The following OR10H5 variants were observed in gnomAD, a reference collection of about 807,000 sequenced individuals.
OR10H5 encodes the protein olfactory receptor 10H5.
In OR10H5, 7 loss-of-function variants were observed where a neutral mutation model predicts 12.2. The ratio of observed to expected loss-of-function variants is 0.57; its 90% CI spans 0.33 to 1.07. The LOEUF is 1.07. Among genes scored for constraint, OR10H5 ranks in the 50% least tolerant of loss-of-function variants. The pLI is 0.04. For synonymous variants in OR10H5, 159 were observed against 175.1 expected (o/e 0.91, Z 0.73); for missense variants, 346 against 411.6 (o/e 0.84, Z 1.38).
chr19:15,795,377 G>A lies in OR10H5; in HGVS notation c.*381G>A, dbSNP rs1020458266. ...GTCTCGTTCTGTCACCCAGGTTGGA[G>A]TGCGTTGGCACAATCTCGGCTCACT... On this transcript the variant is annotated 3_prime_UTR_variant, in exon 2 of 2. Transcript: ENST00000642092. 1 of 207,344 alleles carries A rather than the reference G, an allele frequency of 4.8e-6. No homozygotes were observed. The highest frequency in any genetic ancestry group is 9.7e-6 in the Non-Finnish European group (1 of 102,848). The allele number at this position is 207,344 out of a possible 1,614,324, so 12.8% of individuals were successfully genotyped here. A position where few individuals can be genotyped will look rare whatever the true frequency, so the allele number is the denominator to read the frequency against.
In OR10H5 at chr19:15,794,659, G is replaced by T. The variant is rs771103975; in HGVS notation, c.611G>T (p.Cys204Phe). 2 of 1,614,174 alleles carry T rather than the reference G, an allele frequency of 1.2e-6. No individual in the cohort carries two copies. The highest frequency in any genetic ancestry group is 1.7e-6 in the Non-Finnish European group (2 of 1,180,016). ...GTGGCCAAAGGCGTGGGCTTGGTGT[G>T]TATCACGGCCCTGCTGGGCTGTTTT... ...LVVAKGVGLV[C>F]ITALLGCFLL... The change falls in exon 2 of 2, where the codon TGT becomes TTT. Residue 204 changes from cysteine (C) to phenylalanine (F), a missense_variant. Coordinates refer to ENST00000642092, the MANE Select transcript of OR10H5 (RefSeq NM_001004466.2).
rs1320900566 is a variant in OR10H5, at chr19:15,797,539, A to T, written c.*2543A>T. 1 of 152,142 alleles carries T rather than the reference A, an allele frequency of 6.6e-6. No individual in the cohort carries two copies. The highest frequency in any genetic ancestry group is 1.5e-5 in the Non-Finnish European group (1 of 68,038). 9.4% of individuals were successfully genotyped at this position (152,142 alleles called of 1,614,324 possible). On this transcript the variant is annotated 3_prime_UTR_variant, in exon 2 of 2. Transcript: ENST00000642092. ...TTCTGAAATTAAAATAAGCTTTGTG[A>T]TTACTCCTTCACTTTATTTAGTAGT...
At position 15,797,337 on chromosome 19, in the gene OR10H5, G is replaced by A. The variant is rs994033762; in HGVS notation, c.*2341G>A. On this transcript the variant is annotated 3_prime_UTR_variant, in exon 2 of 2. Transcript: ENST00000642092. ...TAGCTAGTGCTTTCTAGCTGATCAT[G>A]ATTCTGAAGATACCTTGGAATAGGC... 1 of 152,124 alleles carries A rather than the reference G, an allele frequency of 6.6e-6. No individual in the cohort carries two copies. Among genetic ancestry groups the A allele is most frequent in the East Asian group, 1.9e-4 (1 of 5,188 alleles). The allele number at this position is 152,124 out of a possible 1,614,324, so 9.4% of individuals were successfully genotyped here. A position where few individuals can be genotyped will look rare whatever the true frequency, so the allele number is the denominator to read the frequency against.
In OR10H5 at chr19:15,793,607, G is replaced by A. The variant is rs188092430; in HGVS notation, c.-11-431G>A. Among the ~76,000 whole-genome samples the A allele has an allele frequency of 7.0e-4, 106 of 152,152 alleles. 1 individual carries two copies. Among genetic ancestry groups the A allele is most frequent in the Admixed American group, 2.8e-3 (42 of 15,258 alleles). On this transcript the variant is annotated intron_variant, in intron 1 of 1. Transcript: ENST00000642092. ...ATTATTAACATATTTTTGGCCAGGC[G>A]TGGTGGCTCAAGACTGTAATCCCAA...
At chr19:15,792,284 G>A (rs1316461149) in intron 1 of OR10H5, among the ~76,000 whole-genome samples, 1 of 151,900 alleles carries the variant, frequency 6.6e-6, no homozygotes, top group Non-Finnish European at 1.5e-5. Flanking sequence ...GCAATATCAC[G>A]TAACTCAACC....
rs1290184832 is a variant in OR10H5, at chr19:15,794,336, C to T, written c.288C>T (p.Ala96=). The change falls in exon 2 of 2, where the codon GCC becomes GCT. Residue 96 remains alanine (A), a synonymous_variant. Transcript: ENST00000642092. ...CCCAGCGCTCCATCGCCTTCCTGGC[C>T]TGTGCCAGTCAGATGTTCTTCTCCT... is the stretch of plus-strand genomic sequence containing the variant. ...LSTQRSIAFL[A]CASQMFFSFS... 20 of 1,614,026 alleles carry T rather than the reference C, an allele frequency of 1.2e-5. No homozygotes were observed. The highest frequency in any genetic ancestry group is 2.7e-5 in the African/African-American group (2 of 74,924).
chr19:15,790,757 C>T (rs2088806124), intron 1 of OR10H5, among the ~76,000 whole-genome samples: 1 of 152,146 alleles, frequency 6.6e-6, no homozygotes. Flanking sequence ...TGCTACTTTT[C>T]TGTGTGGAAT....
intron 1 of OR10H5, among the ~76,000 whole-genome samples, chr19:15,788,163 G>A (rs138643377): frequency 1.3e-5 from 2 of 152,124 alleles, no homozygotes; most frequent in African/African-American, 4.8e-5. Flanking sequence ...AGTTGTGTGC[G>A]CTTGTATGAG....
rs1283394119 is a variant in OR10H5 at position 15,799,275 on chromosome 19, A to G, written c.*4279A>G. ...CCCGGACCCCAGGAACCTTGCATCT[A>G]CTCTTTTTTTTTTCTTCAGAGATTG... On this transcript the variant is annotated 3_prime_UTR_variant, in exon 2 of 2. Transcript: ENST00000642092. 6 of 145,628 alleles carry G rather than the reference A, an allele frequency of 4.1e-5. No homozygotes were observed. Among genetic ancestry groups the G allele is most frequent in the Non-Finnish European group, 3.0e-5 (2 of 66,594 alleles). The allele number at this position is 145,628 out of a possible 1,614,324, so 9.0% of individuals were successfully genotyped here.
At chr19:15,791,412 A>G (rs1241810657) in intron 1 of OR10H5, among the ~76,000 whole-genome samples, 2 of 148,882 alleles carry the variant, frequency 1.3e-5, no homozygotes, top group African/African-American at 5.0e-5. Context: ...CAGTTAATCA[A>G]AGATATCTAT....
At chr19:15,788,529 C>T (rs544244391) in intron 1 of OR10H5, among the ~76,000 whole-genome samples, 26 of 152,164 alleles carry the variant, frequency 1.7e-4, no homozygotes, top group Admixed American at 7.2e-4. Flanking sequence ...GACAGGGTCT[C>T]GCTCTGTCAC....
At position 15,794,206 on chromosome 19, in the gene OR10H5, G is replaced by A. The variant is rs201519867; in HGVS notation, c.158G>A (p.Arg53His). The change falls in exon 2 of 2, where the codon CGC (arginine) becomes CAC (histidine). Residue 53 changes from arginine to histidine, a missense_variant. Arg to His is a conservative substitution (Grantham distance 29, BLOSUM62 0). Coordinates refer to ENST00000642092, the MANE Select transcript of OR10H5 (RefSeq NM_001004466.2). ...LLIMATVWSE[R>H]SLHMPMYLFL... ...ATCATGGCCACTGTCTGGAGCGAGC[G>A]CAGCCTCCACATGCCCATGTACCTC... The A allele has an allele frequency of 6.1e-5, 99 of 1,614,016 alleles. No homozygotes were observed. Among genetic ancestry groups the A allele is most frequent in the Middle Eastern group, 5.0e-4 (3 of 6,060 alleles).
rs142693914 is a variant in OR10H5 at position 15,794,286 on chromosome 19, C to T, written c.238C>T (p.Arg80Cys). The T allele has an allele frequency of 5.4e-5, 87 of 1,614,110 alleles. No homozygotes were observed. The highest frequency in any genetic ancestry group is 2.3e-4 in the African/African-American group (17 of 75,050). Residue 80 changes from arginine to cysteine, a missense_variant, in exon 2 of 2, where the codon CGC (arginine) becomes TGC (cysteine). Arg to Cys is a radical substitution (Grantham distance 180). Transcript: ENST00000642092. ...EILYTVAIIP[R>C]MLADLLSTQR... ...CCTCTACACCGTGGCCATCATCCCG[C>T]GCATGCTGGCCGACCTGCTGTCCAC...
chr19:15,789,773 T>C (rs1305307743), intron 1 of OR10H5, among the ~76,000 whole-genome samples: 3 of 54,574 alleles, frequency 5.5e-5, no homozygotes, highest in East Asian at 1.1e-3. Context: ...TTTTCTTTTT[T>C]TTCTTTTCTT....
At chr19:15,793,568 A>ATTATTATTATT (rs1199935336) in intron 1 of OR10H5, among the ~76,000 whole-genome samples, 12 of 151,974 alleles carry the variant, frequency 7.9e-5, no homozygotes, top group African/African-American at 2.9e-4. Context: ...TCCCAGGCTA[A>ATTATTATTATT]ACTTCAGCAC....
Position 15,794,152 on chromosome 19 carries a change from A to C in OR10H5, c.104A>C (p.Tyr35Ser). ...LMLFLLFLLM[Y>S]LFTLLGNLLI... ...CTCTTCCTGCTGTTCCTGCTGATGT[A>C]CCTGTTCACGCTGCTGGGCAACCTG... The change falls in exon 2 of 2, where the codon TAC becomes TCC. Residue 35 changes from tyrosine (Y) to serine (S), a missense_variant. Coordinates refer to ENST00000642092, the MANE Select transcript of OR10H5 (RefSeq NM_001004466.2). The C allele has an allele frequency of 6.2e-7, 1 of 1,613,648 alleles. No individual in the cohort carries two copies. Among genetic ancestry groups the C allele is most frequent in the East Asian group, 2.2e-5 (1 of 44,826 alleles).
rs1172960711 is a variant in OR10H5, at chr19:15,800,300, G to A, written c.*5304G>A. 2 of 152,092 alleles carry A rather than the reference G, an allele frequency of 1.3e-5. No individual in the cohort carries two copies. The highest frequency in any genetic ancestry group is 2.4e-5 in the African/African-American group (1 of 41,424). 9.4% of individuals were successfully genotyped at this position (152,092 alleles called of 1,614,324 possible). ...ATTGGTTCAACCCTGTCTTCCCAGT[G>A]GTGCCTAGAAAAATGCCTGGTACAC... On this transcript the variant is annotated 3_prime_UTR_variant, in exon 2 of 2. Transcript: ENST00000642092.
intron 1 of OR10H5, among the ~76,000 whole-genome samples, chr19:15,791,712 A>G (rs2088810142): frequency 7.0e-6 from 1 of 142,498 alleles, no homozygotes; most frequent in Admixed American, 7.0e-5. Flanking sequence ...TTTTTTTTTG[A>G]GACGGAGTCT....
chr19:15,791,230 G>A (rs1162436614), intron 1 of OR10H5, among the ~76,000 whole-genome samples: 12 of 151,810 alleles, frequency 7.9e-5, no homozygotes, highest in Admixed American at 7.2e-4. Context: ...CCTGTAATCC[G>A]AGCTACTCGG....
Sources: allele counts gnomAD v4.1 joint callset (sites outside exome capture counted in the v4.1 genomes callset), GRCh38; gene constraint gnomAD v4.1.1; transcripts MANE v1.5; gene names NCBI Gene and HGNC (gene_info 2026-07-23, HGNC 2026-07-21).